GHR: variants seen among roughly 807,000 people sequenced by gnomAD.
GHR encodes growth hormone receptor, also known as GH receptor.
A neutral mutation model predicts 67.1 loss-of-function variants in GHR; 35 were observed. The ratio of observed to expected loss-of-function variants is 0.52; its 90% CI spans 0.40 to 0.69. The LOEUF is 0.69. Among genes scored for constraint, GHR ranks in the 30% least tolerant of loss-of-function variants. The probability of loss-of-function intolerance (pLI) is 0.00; values close to 1 mark genes in which losing one functional copy is unlikely to be tolerated. For missense variants in GHR, 792 were observed against 764.6 expected, an observed-to-expected ratio of 1.04 and a Z score of -0.42; for synonymous variants, 272 against 269.1, an observed-to-expected ratio of 1.01 and a Z score of -0.10.
chr5:42,646,414 C>A, intron 3 of GHR: 1 of 448,830 alleles, frequency 2.2e-6, no homozygotes, highest in Non-Finnish European at 4.5e-6. Flanking sequence ...AAAACTAATA[C>A]GGGTTAGTGT....
At chr5:42,509,712 G>A (rs1746928140) in intron 1 of GHR, among the ~76,000 whole-genome samples, 1 of 150,208 alleles carries the variant, frequency 6.7e-6, no homozygotes. Context: ...GACTTAGGAA[G>A]TGCAGGCCTC....
chr5:42,574,722 A>G (rs1050682945), intron 2 of GHR, among the ~76,000 whole-genome samples: 1 of 152,226 alleles, frequency 6.6e-6, no homozygotes, highest in Non-Finnish European at 1.5e-5. Context: ...ACCAAAATAG[A>G]AGAATATTAA....
intron 3 of GHR, among the ~76,000 whole-genome samples, chr5:42,639,940 T>C (rs1412607605): frequency 2.0e-5 from 3 of 152,138 alleles, no homozygotes; most frequent in Admixed American, 2.0e-4. Flanking sequence ...CTGAGAGCAA[T>C]TGAAGAAGGG....
At chr5:42,641,901 G>A (rs1316536752) in intron 3 of GHR, among the ~76,000 whole-genome samples, 6 of 152,098 alleles carry the variant, frequency 3.9e-5, no homozygotes, top group Admixed American at 3.3e-4. Context: ...AAGAGTGGGT[G>A]CCTAATTGAT....
intron 2 of GHR, among the ~76,000 whole-genome samples, chr5:42,618,866 A>G (rs1753300098): frequency 6.6e-6 from 1 of 152,148 alleles, no homozygotes; most frequent in African/African-American, 2.4e-5. Flanking sequence ...GCAAAGGTCC[A>G]TTTAAGGGAA....
chr5:42,631,900 G>C (rs536910225), intron 3 of GHR, among the ~76,000 whole-genome samples: 2 of 152,178 alleles, frequency 1.3e-5, no homozygotes, highest in East Asian at 3.9e-4. Context: ...GGTCCAAGAA[G>C]CCCAAACATT....
chr5:42,621,956 G>A (rs1175482374), intron 2 of GHR, among the ~76,000 whole-genome samples: 3 of 152,126 alleles, frequency 2.0e-5, no homozygotes, highest in East Asian at 3.9e-4. Context: ...TAACATGTAC[G>A]AGATAATACA....
At chr5:42,471,607 T>G (rs1198185084) in intron 1 of GHR, among the ~76,000 whole-genome samples, 1 of 152,220 alleles carries the variant, frequency 6.6e-6, no homozygotes, top group Non-Finnish European at 1.5e-5. Context: ...ATATAATCTT[T>G]ATTAAATTAG....
chr5:42,667,425 A>C (rs1005046345), intron 3 of GHR, among the ~76,000 whole-genome samples: 1 of 152,138 alleles, frequency 6.6e-6, no homozygotes, highest in Non-Finnish European at 1.5e-5. Flanking sequence ...TTTTCCTTTA[A>C]GGAATTCATT....
chr5:42,706,227 AT>A (rs1360207735), intron 6 of GHR, among the ~76,000 whole-genome samples: 2 of 151,832 alleles, frequency 1.3e-5, no homozygotes, highest in Admixed American at 1.3e-4. Context: ...CCTTTTGTCC[AT>A]TTTTTAATGG....
rs575327086 is a variant in GHR, at chr5:42,672,346, A to G, written c.137-16544A>G. ...AAAATCAGTAGCATTTCTATACAGCAATAGTGTTCACATTGAGAGCCAAAC... is the reference window on the plus strand; with the variant it reads ...AAAATCAGTAGCATTTCTATACAGCGATAGTGTTCACATTGAGAGCCAAAC... On this transcript the variant is annotated intron_variant, in intron 3 of 9. Transcript: ENST00000230882. Among the ~76,000 whole-genome samples the G allele has an allele frequency of 2.6e-5, 4 of 152,346 alleles. No individual in the cohort carries two copies. In the East Asian group the frequency reaches 7.7e-4, roughly 29 times the overall value.
intron 2 of GHR, among the ~76,000 whole-genome samples, chr5:42,566,192 T>C (rs1042720243): frequency 1.3e-5 from 2 of 152,184 alleles, no homozygotes; most frequent in Non-Finnish European, 2.9e-5. Flanking sequence ...CTACAAATCA[T>C]GCTGAGGACA....
chr5:42,471,312 A>G (rs111410111), intron 1 of GHR, among the ~76,000 whole-genome samples: 3 of 152,194 alleles, frequency 2.0e-5, no homozygotes, highest in Non-Finnish European at 4.4e-5. Context: ...CATCCACTCT[A>G]TGTTCAAAAT....
Position 42,569,102 on chromosome 5 carries a change from C to G in GHR, c.70+3158C>G, listed in dbSNP as rs537589960. Among the ~76,000 whole-genome samples, 3 of 152,202 alleles carry G rather than the reference C, an allele frequency of 2.0e-5. No homozygotes were observed. In the East Asian group the frequency reaches 5.8e-4, roughly 29 times the overall value. ...GAGGTTGACATTGTTTCTCTAGAGACTAGAATGTCAGGTTTAAGATTTTAA... is the reference window on the plus strand; with the variant it reads ...GAGGTTGACATTGTTTCTCTAGAGAGTAGAATGTCAGGTTTAAGATTTTAA... On this transcript the variant is annotated intron_variant, in intron 2 of 9. Transcript: ENST00000230882.
At chr5:42,522,250 A>G (rs958676711) in intron 1 of GHR, among the ~76,000 whole-genome samples, 1 of 152,208 alleles carries the variant, frequency 6.6e-6, no homozygotes, top group Non-Finnish European at 1.5e-5. Flanking sequence ...CTGTACAAGA[A>G]AAAAATCATA....
At chr5:42,560,878 T>C (rs574436523) in intron 1 of GHR, among the ~76,000 whole-genome samples, 87 of 152,316 alleles carry the variant, frequency 5.7e-4, no homozygotes, top group Non-Finnish European at 1.1e-3. Context: ...ATCTTATCAA[T>C]ACTTCTCAGT....
intron 3 of GHR, among the ~76,000 whole-genome samples, chr5:42,634,542 C>CACAA (rs1458693372): frequency 6.6e-6 from 1 of 151,838 alleles, no homozygotes; most frequent in African/African-American, 2.4e-5. Flanking sequence ...CACACACACA[C>CACAA]ACTGCAAAAA....
chr5:42,474,335 A>AAGAAAGAAAGAG (rs1561325731), intron 1 of GHR, among the ~76,000 whole-genome samples: 1 of 151,068 alleles, frequency 6.6e-6, no homozygotes, highest in Admixed American at 6.6e-5. Context: ...GAAAGAAAGA[A>AAGAAAGAAAGAG]AGAAAAGAAA....
chr5:42,635,562 T>C (rs1754137514), intron 3 of GHR, among the ~76,000 whole-genome samples: 1 of 152,258 alleles, frequency 6.6e-6, no homozygotes, highest in Non-Finnish European at 1.5e-5. Context: ...GCCATTAGTT[T>C]CACACGTTAG....
Sources: gnomAD v4.1 joint callset for allele counts (sites outside exome capture counted in the v4.1 genomes callset) on GRCh38, gnomAD v4.1.1 for gene constraint, MANE v1.5 for transcripts, NCBI Gene and HGNC (gene_info 2026-07-23, HGNC 2026-07-21) for gene names.